Variants in TBX15 observed in about 807,000 individuals in gnomAD.
TBX15 encodes the protein T-box transcription factor TBX15.
A neutral mutation model predicts 53.9 loss-of-function variants in TBX15; 18 were observed. The observed-to-expected ratio is 0.33, with a 90% CI of 0.23 to 0.49. The LOEUF is 0.49. Ranked by LOEUF, TBX15 falls within the 20% of genes least tolerant of loss-of-function variation. The pLI is 0.98. For synonymous variants in TBX15, 295 were observed against 278.0 expected (o/e 1.06, Z -0.61); for missense variants, 692 against 749.5 (o/e 0.92, Z 0.90).
chr1:118,924,247 T>TA (rs1383909777), intron 4 of TBX15, among the ~76,000 whole-genome samples: 1 of 152,200 alleles, frequency 6.6e-6, no homozygotes, highest in Non-Finnish European at 1.5e-5. Context: ...GTCTTCCCTA[T>TA]AAAAAAATTC....
chr1:118,924,920 G>C, intron 3 of TBX15, 103 bp from the exon 4 acceptor site: 1 of 1,269,918 alleles, frequency 7.9e-7, no homozygotes, highest in Non-Finnish European at 1.1e-6. Context: ...AAAACAAAGA[G>C]ATTACATGAA....
rs370842393 is a variant in TBX15 at position 118,915,004 on chromosome 1, G to T, written c.862-825C>A. On this transcript the variant is annotated intron_variant, in intron 5 of 7. Transcript: ENST00000369429. Reference sequence around the variant, plus strand: ...TCCCCATCCATTGCATCCTATCTTAGTTCTGGCAAACCCTGCCATGGTTGT... The same window carrying T: ...TCCCCATCCATTGCATCCTATCTTATTTCTGGCAAACCCTGCCATGGTTGT... Among the ~76,000 whole-genome samples, 117 of 152,250 alleles carry T rather than the reference G, an allele frequency of 7.7e-4. 1 individual carries two copies. In the South Asian group the frequency reaches 0.021, roughly 27 times the overall value.
chr1:118,987,357 C>T (rs1657871919), intron 1 of TBX15, among the ~76,000 whole-genome samples: 2 of 152,270 alleles, frequency 1.3e-5, no homozygotes, highest in South Asian at 4.1e-4. Flanking sequence ...GAAATGCAAA[C>T]AAACAGGACT....
At chr1:118,914,239 T>A (rs2101564518) in intron 5 of TBX15, 60 bp from the exon 6 acceptor site, 1 of 1,457,550 alleles carries the variant, frequency 6.9e-7, no homozygotes, top group Non-Finnish European at 9.6e-7. Flanking sequence ...TTCTTAGTAC[T>A]CCTAGAAAAT....
At chr1:118,971,774 C>G (rs1031920358) in intron 1 of TBX15, among the ~76,000 whole-genome samples, 6 of 152,162 alleles carry the variant, frequency 3.9e-5, no homozygotes, top group African/African-American at 1.4e-4. Context: ...AGCCAACAAC[C>G]CCTTGGGTAT....
At chr1:118,945,989 A>G (rs1656335003) in intron 1 of TBX15, among the ~76,000 whole-genome samples, 1 of 152,218 alleles carries the variant, frequency 6.6e-6, no homozygotes, top group Admixed American at 6.5e-5. Context: ...ATCAACATTG[A>G]TGTATGAGTG....
intron 6 of TBX15, chr1:118,901,331 C>A (rs1366216242): frequency 2.2e-6 from 1 of 456,124 alleles, no homozygotes; most frequent in Non-Finnish European, 4.4e-6. Flanking sequence ...ATTCTTTCAT[C>A]AGGAACACAC....
At chr1:118,955,260 G>T (rs1484786555) in intron 1 of TBX15, among the ~76,000 whole-genome samples, 2 of 151,722 alleles carry the variant, frequency 1.3e-5, no homozygotes, top group African/African-American at 4.8e-5. Context: ...AAAAAAAATG[G>T]ATGTTTAGGA....
At chr1:118,949,069 A>G (rs533991763) in intron 1 of TBX15, among the ~76,000 whole-genome samples, 40 of 152,210 alleles carry the variant, frequency 2.6e-4, no homozygotes, top group Non-Finnish European at 5.1e-4. Flanking sequence ...GTGGCATTTG[A>G]GAGCTTGAAA....
intron 5 of TBX15, 81 bp from the exon 6 acceptor site, chr1:118,914,260 A>C: frequency 7.7e-7 from 1 of 1,292,772 alleles, no homozygotes; most frequent in Non-Finnish European, 1.1e-6. Context: ...TACAAAAATC[A>C]CTTTTTTAAT....
intron 1 of TBX15, among the ~76,000 whole-genome samples, chr1:118,978,169 C>T (rs1235823455): frequency 2.0e-5 from 3 of 152,220 alleles, no homozygotes; most frequent in Non-Finnish European, 4.4e-5. Context: ...GACTGTTGAA[C>T]ACGTGATATT....
intron 1 of TBX15, among the ~76,000 whole-genome samples, chr1:118,969,954 T>A (rs111987593): frequency 2.6e-5 from 4 of 152,200 alleles, no homozygotes; most frequent in South Asian, 2.1e-4. Flanking sequence ...TGATGGGAGG[T>A]GATTGGATCA....
At chr1:118,905,263 T>G (rs768582557) in intron 6 of TBX15, among the ~76,000 whole-genome samples, 2 of 152,212 alleles carry the variant, frequency 1.3e-5, no homozygotes. Context: ...CCTCTAGGCC[T>G]CATTATCTTG....
At chr1:118,893,394 A>G (rs987689620) in intron 7 of TBX15, among the ~76,000 whole-genome samples, 13 of 135,952 alleles carry the variant, frequency 9.6e-5, no homozygotes, top group Admixed American at 2.9e-4. Flanking sequence ...AGAAAGAAAG[A>G]AAGAAAGAAA....
chr1:118,951,536 G>A (rs1055956451), intron 1 of TBX15, among the ~76,000 whole-genome samples: 8 of 152,168 alleles, frequency 5.3e-5, no homozygotes, highest in Non-Finnish European at 1.0e-4. Context: ...TTCCTCTCTT[G>A]TTGGCAAGGT....
chr1:118,938,830 A>G (rs1656049744), intron 1 of TBX15, among the ~76,000 whole-genome samples: 2 of 152,100 alleles, frequency 1.3e-5, no homozygotes, highest in African/African-American at 4.8e-5. Flanking sequence ...TCCTTTGTCC[A>G]TTTTTAATGG....
intron 1 of TBX15, among the ~76,000 whole-genome samples, chr1:118,965,384 C>T (rs1266267188): frequency 6.6e-6 from 1 of 152,092 alleles, no homozygotes; most frequent in East Asian, 1.9e-4. Flanking sequence ...AGCATTATAC[C>T]CTTCAAATAC....
intron 1 of TBX15, among the ~76,000 whole-genome samples, chr1:118,941,635 T>C (rs890640437): frequency 1.3e-5 from 2 of 152,246 alleles, no homozygotes; most frequent in Admixed American, 1.3e-4. Context: ...GCAAATAATA[T>C]TCATTTTCTA....
rs145748292 is a variant in TBX15, at chr1:118,923,667, A to G, written c.694-64T>C. 4.4e-3 allele frequency: 7,035 copies of G among 1,591,356 alleles called. 20 individuals carry two copies. Among genetic ancestry groups the G allele is most frequent in the Non-Finnish European group, 5.6e-3 (6,508 of 1,160,062 alleles). The stretch of plus-strand genomic sequence containing the variant: ...AGGAACCTACATTTTGTTCTCATGC[A>G]AAAATAAATCACTAAGTTGAAGCAC... On this transcript the variant is annotated intron_variant, in intron 4 of 7. Coordinates refer to ENST00000369429, the MANE Select transcript of TBX15 (RefSeq NM_001330677.2).
Sources: allele counts gnomAD v4.1 joint callset (sites outside exome capture counted in the v4.1 genomes callset), GRCh38; gene constraint gnomAD v4.1.1; transcripts MANE v1.5; gene names NCBI Gene and HGNC (gene_info 2026-07-23, HGNC 2026-07-21).